The following PTPRN variants were observed in gnomAD, a reference collection of about 807,000 sequenced individuals.
The protein encoded by PTPRN is receptor-type tyrosine-protein phosphatase-like N.
Under a neutral mutation model 108.5 loss-of-function variants are expected in PTPRN, and 70 were observed. That is an observed-to-expected ratio of 0.65 (90% CI 0.53 to 0.79). PTPRN has a LOEUF of 0.79. PTPRN is among the 30% of genes least tolerant of loss of function. The probability of loss-of-function intolerance (pLI) is 0.00; values close to 1 mark genes in which losing one functional copy is unlikely to be tolerated. For synonymous variants in PTPRN, 496 were observed against 524.6 expected, an observed-to-expected ratio of 0.95 and a Z score of 0.75; for missense variants, 1,136 against 1,295.5, an observed-to-expected ratio of 0.88 and a Z score of 1.89.
chr2:219,299,458 C>T, intron 10 of PTPRN, 74 bp from the exon 11 acceptor site: 1 of 1,501,642 alleles, frequency 6.7e-7, no homozygotes, highest in South Asian at 1.1e-5. Flanking sequence ...CAGCTCTGGC[C>T]CTCTCCCCGT....
chr2:219,292,739 G>A (rs1454266405), intron 19 of PTPRN: 4 of 152,190 alleles, frequency 2.6e-5, no homozygotes, highest in African/African-American at 7.2e-5. Context: ...CCATGGACCA[G>A]TGTCAGTCTA....
rs773769872 is a variant in PTPRN at position 219,302,838 on chromosome 2, C to T, written c.378-1G>A. ...AGGTCTCTTGGGTGCCAAGCCAGAC[C>T]TGTAGAGGAAAGCAAAGTGTGTGTG... On this transcript the variant is annotated splice_acceptor_variant, in intron 4 of 22. Coordinates refer to ENST00000295718, the MANE Select transcript of PTPRN (RefSeq NM_002846.4). LOFTEE classifies it high-confidence loss of function. The T allele has an allele frequency of 6.2e-7, 1 of 1,608,720 alleles. No individual in the cohort carries two copies. The highest frequency in any genetic ancestry group is 1.1e-5 in the South Asian group (1 of 90,732).
chr2:219,297,263 G>A lies in PTPRN; in HGVS notation c.2058C>T (p.Asn686=). Residue 686 remains asparagine, a synonymous_variant, in exon 14 of 23, where the codon AAC becomes AAT. Coordinates refer to ENST00000295718, the MANE Select transcript of PTPRN (RefSeq NM_002846.4). This position sits in a 1 kb window ranked among gnomAD's most constrained non-coding sequence, Gnocchi z 6.0. The part of the protein sequence containing the change: ...PSWCEEPAQA[N]MDISTGHMIL... ...TCATGTGTCCCGTGGAGATGTCCAT[G>A]TTGGCTTGGGCCGGCTCCTCGCACC... 1 of 1,614,100 alleles carries A rather than the reference G, an allele frequency of 6.2e-7. No individual in the cohort carries two copies. Among genetic ancestry groups the A allele is most frequent in the Non-Finnish European group, 8.5e-7 (1 of 1,180,014 alleles).
intron 6 of PTPRN, 148 bp downstream of exon 6, chr2:219,301,989 C>T (rs1179603365): frequency 4.7e-6 from 4 of 851,118 alleles, no homozygotes; most frequent in South Asian, 1.8e-5. Context: ...TAGTGCCTGG[C>T]ATAGAACAGC....
chr2:219,294,874 G>T, intron 19 of PTPRN, 101 bp downstream of exon 19: 1 of 1,230,666 alleles, frequency 8.1e-7, no homozygotes. Context: ...GTCAGAGGCC[G>T]AGGCTCCAGG....
chr2:219,300,048 A>G lies in PTPRN; in HGVS notation c.1373T>C (p.Val458Ala). 1.2e-6 allele frequency: 2 copies of G among 1,614,242 alleles called. No individual in the cohort carries two copies. Among genetic ancestry groups the G allele is most frequent in the Non-Finnish European group, 1.7e-6 (2 of 1,180,040 alleles). The change falls in exon 9 of 23, where the codon GTG becomes GCG. Residue 458 changes from valine (V) to alanine (A), a missense_variant. Physicochemically the swap from Val to Ala is moderately conservative, Grantham distance 64. Transcript: ENST00000295718. ...KSPLGQSQPT[V>A]AGQPSARPAA... ...TGGGCGGGCTGAGGGCTGTCCTGCCACCGTGGGCTGGCTCTGGCCCAGTGG... is the reference window on the plus strand; with the variant it reads ...TGGGCGGGCTGAGGGCTGTCCTGCCGCCGTGGGCTGGCTCTGGCCCAGTGG...
chr2:219,307,638 C>T (rs958702904), intron 2 of PTPRN, 81 bp from the exon 3 acceptor site: 16 of 1,462,830 alleles, frequency 1.1e-5, no homozygotes, highest in Admixed American at 8.7e-5. Context: ...ACTGTACTCT[C>T]TTCACTTTCT....
rs1164308600 is a variant in PTPRN, at chr2:219,309,317, G to A, written c.16C>T (p.Arg6Trp). 1.4e-6 allele frequency: 2 copies of A among 1,474,408 alleles called. No homozygotes were observed. Among genetic ancestry groups the A allele is most frequent in the Non-Finnish European group, 1.8e-6 (2 of 1,114,044 alleles). 91.3% of individuals were successfully genotyped at this position (1,474,408 alleles called of 1,614,324 possible). A position where few individuals can be genotyped will look rare whatever the true frequency, so the allele number is the denominator to read the frequency against. ...CCGGATCCCCCGAGACCCCCAGGCC[G>A]CCGCGGGCGCCGCATCTTTCCGAGC... MRRPR[R>W]PGGLGGSGGL... Residue 6 changes from arginine to tryptophan, a missense_variant, in exon 1 of 23, where the codon CGG (arginine) becomes TGG (tryptophan). Coordinates refer to ENST00000295718, the MANE Select transcript of PTPRN (RefSeq NM_002846.4).
chr2:219,302,856 T>C lies in PTPRN; in HGVS notation c.378-19A>G. 3 of 1,602,510 alleles carry C rather than the reference T, an allele frequency of 1.9e-6. No individual in the cohort carries two copies. Among genetic ancestry groups the C allele is most frequent in the Non-Finnish European group, 2.5e-6 (3 of 1,176,864 alleles). On this transcript the variant is annotated intron_variant, in intron 4 of 22. Transcript: ENST00000295718. The stretch of plus-strand genomic sequence containing the variant: ...GCCAGACCTGTAGAGGAAAGCAAAG[T>C]GTGTGTGTTGGAGCGGGGGAAAGGG...
At chr2:219,301,032 C>T in intron 7 of PTPRN, 55 bp from the exon 8 acceptor site, 2 of 1,569,512 alleles carry the variant, frequency 1.3e-6, no homozygotes. Context: ...AAGGTCTACA[C>T]AACACAAGTG....
intron 8 of PTPRN, chr2:219,300,573 T>G: frequency 2.1e-6 from 1 of 475,818 alleles, no homozygotes. Flanking sequence ...GTTTCTAGAC[T>G]TTTGTTTAGC....
At chr2:219,301,506 T>C in intron 7 of PTPRN, 82 bp downstream of exon 7, 1 of 1,509,042 alleles carries the variant, frequency 6.6e-7, no homozygotes, top group Non-Finnish European at 9.0e-7. Flanking sequence ...CTCTCCAGGC[T>C]ACTCCAAGTG....
intron 10 of PTPRN, 124 bp from the exon 11 acceptor site, chr2:219,299,508 G>A: frequency 1.6e-6 from 2 of 1,220,074 alleles, no homozygotes; most frequent in Non-Finnish European, 2.4e-6. Context: ...TGCCCTACAG[G>A]GGCATCTTAG....
At chr2:219,294,890 C>A in intron 19 of PTPRN, 85 bp downstream of exon 19, 1 of 1,324,228 alleles carries the variant, frequency 7.6e-7, no homozygotes, top group Non-Finnish European at 9.8e-7. Flanking sequence ...CCAGGCCCGA[C>A]CCGGGGCTCC....
chr2:219,294,114 A>C (rs1423491304), intron 19 of PTPRN: 1 of 530,472 alleles, frequency 1.9e-6, no homozygotes, highest in Non-Finnish European at 3.9e-6. Context: ...TGCAGCAGCC[A>C]CACCTGCCAA....
Position 219,303,838 on chromosome 2 carries a change from G to C in PTPRN, c.281-7C>G. ...TCATCGTGCCAGGACAATCCTGTCA[G>C]GAAAGAGGACAGCGTAAGTTGGTTC... is the stretch of plus-strand genomic sequence containing the variant. On this transcript the variant is annotated splice_polypyrimidine_tract_variant and splice_region_variant and intron_variant, in intron 3 of 22. Coordinates refer to ENST00000295718, the MANE Select transcript of PTPRN (RefSeq NM_002846.4). 3.1e-6 allele frequency: 5 copies of C among 1,606,436 alleles called. No individual in the cohort carries two copies. The highest frequency in any genetic ancestry group is 4.3e-6 in the Non-Finnish European group (5 of 1,175,268).
chr2:219,307,966 G>A, intron 1 of PTPRN, 124 bp from the exon 2 acceptor site: 1 of 906,992 alleles, frequency 1.1e-6, no homozygotes, highest in Non-Finnish European at 1.8e-6. Context: ...AAGGCCTTAA[G>A]CTGGGAGGAG....
intron 4 of PTPRN, 38 bp from the exon 5 acceptor site, chr2:219,302,875 G>T (rs772771739): frequency 6.3e-7 from 1 of 1,597,382 alleles, no homozygotes; most frequent in South Asian, 1.1e-5. Context: ...TGGAGCGGGG[G>T]AAAGGGCATA....
At position 219,291,497 on chromosome 2, in the gene PTPRN, C is replaced by T. The variant is rs770615712; in HGVS notation, c.2702G>A (p.Arg901His). The T allele has an allele frequency of 3.1e-5, 50 of 1,614,006 alleles. 1 individual carries two copies. The South Asian group carries it at 4.3e-4, about 14-fold the overall frequency. Residue 901 changes from arginine (R) to histidine (H), a missense_variant, in exon 20 of 23, where the codon CGC becomes CAC. By Grantham distance (29) the Arg-to-His change is conservative. Coordinates refer to ENST00000295718, the MANE Select transcript of PTPRN (RefSeq NM_002846.4). The stretch of plus-strand genomic sequence containing the variant: ...GCAGTGCACGATGATGGGGCAGGAG[C>T]GGCCCCGGTAGCACTTGTTCACCTT... ...RRKVNKCYRG[R>H]SCPIIVHCSD...
Sources: allele counts gnomAD v4.1 joint callset, GRCh38; gene constraint gnomAD v4.1.1; non-coding constraint Gnocchi (gnomAD v3.1); transcripts MANE v1.5; gene names NCBI Gene and HGNC (gene_info 2026-07-23, HGNC 2026-07-21).